Variants in ZFP92 observed in about 807,000 individuals in gnomAD.
ZFP92 encodes zinc finger protein 92 homolog.
A neutral mutation model predicts 7.6 loss-of-function variants in ZFP92; 2 were observed. The observed-to-expected ratio is 0.26, with a 90% confidence interval of 0.11 to 0.83. The LOEUF is 0.83. ZFP92 is among the 40% of genes least tolerant of loss of function. The probability of loss-of-function intolerance (pLI) is 0.65; values close to 1 mark genes in which losing one functional copy is unlikely to be tolerated. For missense variants in ZFP92, 324 were observed against 408.3 expected, an observed-to-expected ratio of 0.79 and a Z score of 1.78; for synonymous variants, 226 against 183.6, an observed-to-expected ratio of 1.23 and a Z score of -1.87.
At chrX:153,412,160 G>A (rs934277580) in intron 2 of ZFP92, among the ~76,000 whole-genome samples, 147 bp downstream of exon 2, 1 of 112,790 alleles carries the variant, frequency 8.9e-6, no homozygotes, top group South Asian at 3.7e-4. Context: ...GTATCAGGTG[G>A]GGGCTGGTGC....
intron 5 of ZFP92, 140 bp downstream of exon 5, chrX:153,420,472 G>GC (rs2088988967): frequency 1.1e-6 from 1 of 890,372 alleles, no homozygotes; most frequent in African/African-American, 2.0e-5. Flanking sequence ...TGTCACAGCA[G>GC]CCCCGCTATC....
rs1009927195 is a variant in ZFP92, at chrX:153,424,558, A to C, written c.*2930A>C. The C allele has an allele frequency of 2.7e-5, 3 of 112,245 alleles. No homozygotes were observed. The highest frequency in any genetic ancestry group is 5.6e-5 in the Non-Finnish European group (3 of 53,228). 9.3% of individuals were successfully genotyped at this position (112,245 alleles called of 1,213,427 possible). A position where few individuals can be genotyped will look rare whatever the true frequency, so the allele number is the denominator to read the frequency against. ...GCTTGCTTTGTGATGGACAGCTAGA[A>C]TGTAAAAGCTTAAACTATGGGGAAA... On this transcript the variant is annotated 3_prime_UTR_variant, in exon 6 of 6. Coordinates refer to ENST00000338647, the MANE Select transcript of ZFP92 (RefSeq NM_001136273.2).
chrX:153,414,912 G>A (rs1247175872), intron 2 of ZFP92, among the ~76,000 whole-genome samples: 4 of 112,899 alleles, frequency 3.5e-5, no homozygotes, highest in Non-Finnish European at 5.6e-5. Context: ...TAGATGAAAG[G>A]CACAGCTTTT....
intron 2 of ZFP92, among the ~76,000 whole-genome samples, 80 bp downstream of exon 2, chrX:153,412,093 C>G (rs975754933): frequency 2.7e-5 from 3 of 112,862 alleles, no homozygotes; most frequent in African/African-American, 9.6e-5. Context: ...GCTGCCCAGG[C>G]ACCGGCCCTG....
rs1315926367 is a variant in ZFP92 at position 153,421,321 on chromosome X, G to C, written c.944G>C (p.Ser315Thr). 1 of 1,168,199 alleles carries C rather than the reference G, an allele frequency of 8.6e-7. No homozygotes were observed. Among genetic ancestry groups the C allele is most frequent in the African/African-American group, 1.8e-5 (1 of 56,479 alleles). Residue 315 changes from serine to threonine, a missense_variant, in exon 6 of 6, where the codon AGC (serine) becomes ACC (threonine). Transcript: ENST00000338647. ...CTCATCCACCACCAGCGCAGCCACA[G>C]CGGCGAGCGGCCCTTCGCGTGCCGC... ...SQLIHHQRSHSGERPFACREC... is the reference protein window; with the variant it reads ...SQLIHHQRSHTGERPFACREC...
Position 153,425,047 on chromosome X carries a change from G to T in ZFP92, c.*3419G>T, listed in dbSNP as rs1473996856. 1.8e-5 allele frequency: 2 copies of T among 112,384 alleles called. No individual in the cohort carries two copies. The highest frequency in any genetic ancestry group is 1.9e-5 in the Non-Finnish European group (1 of 53,253). The allele number at this position is 112,384 out of a possible 1,213,427, so 9.3% of individuals were successfully genotyped here. ...CCAGGGGTGCAGGCTCCTCTGACTG[G>T]GACCACAGGCAGCCACCCGAGGCCA... On this transcript the variant is annotated 3_prime_UTR_variant, in exon 6 of 6. Coordinates refer to ENST00000338647, the MANE Select transcript of ZFP92 (RefSeq NM_001136273.2).
At chrX:153,415,598 T>G (rs1302131851) in intron 2 of ZFP92, among the ~76,000 whole-genome samples, 3 of 111,983 alleles carry the variant, frequency 2.7e-5, no homozygotes, top group Non-Finnish European at 3.8e-5. Context: ...TTTTCAATTC[T>G]TTGGGGGTAT....
intron 2 of ZFP92, among the ~76,000 whole-genome samples, chrX:153,413,508 G>A (rs375206109): frequency 1.0e-4 from 11 of 109,748 alleles, no homozygotes; most frequent in Middle Eastern, 4.6e-3. Flanking sequence ...CAGTGGCACC[G>A]GTCACCCAGG....
At position 153,421,170 on chromosome X, in the gene ZFP92, G is replaced by A. The variant is rs782773352; in HGVS notation, c.793G>A (p.Ala265Thr). The A allele has an allele frequency of 1.7e-6, 2 of 1,182,638 alleles. No homozygotes were observed. The highest frequency in any genetic ancestry group is 2.3e-6 in the Non-Finnish European group (2 of 881,350). Reference protein sequence around the residue: ...ARVHSGERPYACPECGKAFSR... With the variant: ...ARVHSGERPYTCPECGKAFSR... ...CGTGCACAGCGGCGAGCGGCCCTACGCGTGCCCAGAGTGCGGCAAGGCCTT... is the reference window on the plus strand; with the variant it reads ...CGTGCACAGCGGCGAGCGGCCCTACACGTGCCCAGAGTGCGGCAAGGCCTT... Residue 265 changes from alanine to threonine, a missense_variant, in exon 6 of 6, where the codon GCG becomes ACG. Coordinates refer to ENST00000338647, the MANE Select transcript of ZFP92 (RefSeq NM_001136273.2).
At position 153,421,251 on chromosome X, in the gene ZFP92, TAC is replaced by T. The variant is rs2088999841; in HGVS notation, c.875_876del (p.Tyr292CysfsTer53). 8.5e-7 allele frequency: 1 copy of T among 1,175,704 alleles called. No homozygotes were observed. The highest frequency in any genetic ancestry group is 1.1e-6 in the Non-Finnish European group (1 of 878,138). On this transcript the variant is annotated frameshift_variant, in exon 6 of 6. Coordinates refer to ENST00000338647, the MANE Select transcript of ZFP92 (RefSeq NM_001136273.2). LOFTEE classifies it low-confidence loss of function (END_TRUNC). ...HQRTHRGEKPYACGQCAKAFK... is the reference protein window; with the variant it reads ...HQRTHRGEKPXACGQCAKAFK... ...GCGCACGCACCGCGGCGAGAAGCCCTACGCCTGCGGCCAGTGCGCCAAGGCCT... is the reference window on the plus strand; with the variant it reads ...GCGCACGCACCGCGGCGAGAAGCCCTGCCTGCGGCCAGTGCGCCAAGGCCT...
Position 153,421,677 on chromosome X carries a change from C to T in ZFP92, c.*49C>T. 1.1e-6 allele frequency: 1 copy of T among 927,668 alleles called. No homozygotes were observed. The highest frequency in any genetic ancestry group is 1.3e-6 in the Non-Finnish European group (1 of 749,784). 76.5% of individuals were successfully genotyped at this position (927,668 alleles called of 1,213,427 possible). On this transcript the variant is annotated 3_prime_UTR_variant, in exon 6 of 6. Coordinates refer to ENST00000338647, the MANE Select transcript of ZFP92 (RefSeq NM_001136273.2). ...GCGGCCGGTCTGCGTGGGGGGCCTTCCTGGGGACGTCGAGGCTCAGCCCCC... is the reference window on the plus strand; with the variant it reads ...GCGGCCGGTCTGCGTGGGGGGCCTTTCTGGGGACGTCGAGGCTCAGCCCCC...
At chrX:153,418,935 G>A in intron 4 of ZFP92, 136 bp downstream of exon 4, 2 of 928,458 alleles carry the variant, frequency 2.2e-6, no homozygotes, top group Non-Finnish European at 2.9e-6. Context: ...GACCAGTAAT[G>A]CCAGTAATCC....
chrX:153,418,374 C>A lies in ZFP92; in HGVS notation c.33+19C>A. The A allele has an allele frequency of 8.6e-7, 1 of 1,166,293 alleles. No individual in the cohort carries two copies. The highest frequency in any genetic ancestry group is 1.1e-6 in the Non-Finnish European group (1 of 871,925). On this transcript the variant is annotated intron_variant, in intron 3 of 5. Coordinates refer to ENST00000338647, the MANE Select transcript of ZFP92 (RefSeq NM_001136273.2). ...ACCCAAGGTGAGTGGTGGCCCCTCT[C>A]CCTGGCCTCTCCCCCTGGCAGCCCC...
At position 153,421,292 on chromosome X, in the gene ZFP92, G is replaced by A; in HGVS notation, c.915G>A (p.Ser305=). 8.6e-7 allele frequency: 1 copy of A among 1,168,679 alleles called. No individual in the cohort carries two copies. The highest frequency in any genetic ancestry group is 1.9e-5 in the South Asian group (1 of 53,285). Residue 305 remains serine, a synonymous_variant, in exon 6 of 6, where the codon TCG becomes TCA. Transcript: ENST00000338647. ...GCGCCAAGGCCTTCAAGGGCGTCTC[G>A]CAGCTCATCCACCACCAGCGCAGCC... ...GQCAKAFKGV[S]QLIHHQRSHS...
At position 153,425,590 on chromosome X, in the gene ZFP92, C is replaced by T. The variant is rs1394002175; in HGVS notation, c.*3962C>T. 1 of 111,739 alleles carries T rather than the reference C, an allele frequency of 8.9e-6. No homozygotes were observed. The highest frequency in any genetic ancestry group is 1.9e-5 in the Non-Finnish European group (1 of 53,063). 9.2% of individuals were successfully genotyped at this position (111,739 alleles called of 1,213,427 possible). On this transcript the variant is annotated 3_prime_UTR_variant, in exon 6 of 6. Coordinates refer to ENST00000338647, the MANE Select transcript of ZFP92 (RefSeq NM_001136273.2). ...GTTTGAATTTACACACTGACCACCACAAATTTTATAACTGTAGTCGTCTCG... is the reference window on the plus strand; with the variant it reads ...GTTTGAATTTACACACTGACCACCATAAATTTTATAACTGTAGTCGTCTCG...
In ZFP92 at chrX:153,418,681, A is replaced by G. The variant is rs1206308694; in HGVS notation, c.42A>G (p.Val14=). 2.4e-5 allele frequency: 28 copies of G among 1,165,603 alleles called. No individual in the cohort carries two copies. Among genetic ancestry groups the G allele is most frequent in the Admixed American group, 5.2e-5 (2 of 38,393 alleles). The change falls in exon 4 of 6, where the codon GTA becomes GTG. Residue 14 remains valine (V), a synonymous_variant. Transcript: ENST00000338647. ...ILLTTRPKVP[V]SFEDVSVYFT... is the part of the protein sequence containing the mutation. The stretch of plus-strand genomic sequence containing the variant: ...AGAATGCCTTATTTTAGGTGCCAGT[A>G]TCTTTTGAGGATGTGTCCGTGTACT...
rs2089037289 is a variant in ZFP92 at position 153,425,602 on chromosome X, CTG to C, written c.*3976_*3977del. 1 of 111,877 alleles carries C rather than the reference CTG, an allele frequency of 8.9e-6. No homozygotes were observed. Among genetic ancestry groups the C allele is most frequent in the Non-Finnish European group, 1.9e-5 (1 of 53,084 alleles). 9.2% of individuals were successfully genotyped at this position (111,877 alleles called of 1,213,427 possible). On this transcript the variant is annotated 3_prime_UTR_variant, in exon 6 of 6. Coordinates refer to ENST00000338647, the MANE Select transcript of ZFP92 (RefSeq NM_001136273.2). The stretch of plus-strand genomic sequence containing the variant: ...ACACTGACCACCACAAATTTTATAA[CTG>C]TAGTCGTCTCGATGGTTGTGATGCC...
chrX:153,413,904 G>A (rs1453773622), intron 2 of ZFP92, among the ~76,000 whole-genome samples: 3 of 112,345 alleles, frequency 2.7e-5, no homozygotes, highest in East Asian at 2.8e-4. Flanking sequence ...CAGCACCTCC[G>A]CTGGGTCTTC....
chrX:153,412,523 G>A (rs1353203055), intron 2 of ZFP92, among the ~76,000 whole-genome samples: 2 of 112,556 alleles, frequency 1.8e-5, no homozygotes, highest in South Asian at 3.7e-4. Context: ...CCGGGGAAGG[G>A]AGGTCTGGTT....
Sources: allele counts gnomAD v4.1 joint callset (sites outside exome capture counted in the v4.1 genomes callset), GRCh38; gene constraint gnomAD v4.1.1; transcripts MANE v1.5; gene names NCBI Gene and HGNC (gene_info 2026-07-23, HGNC 2026-07-21).